The following GOLM2 variants were observed in gnomAD, a reference collection of about 807,000 sequenced individuals.
GOLM2 encodes protein GOLM2.
GOLM2 carries 26 observed loss-of-function variants against 55.9 expected under a neutral mutation model. The ratio of observed to expected loss-of-function variants is 0.47; its 90% CI spans 0.34 to 0.65. The LOEUF is 0.65. Ranked by LOEUF, GOLM2 falls within the 30% of genes least tolerant of loss-of-function variation. The pLI is 0.01. For synonymous variants in GOLM2, 165 were observed against 194.6 expected, an observed-to-expected ratio of 0.85 and a Z score of 1.27; for missense variants, 486 against 531.8, an observed-to-expected ratio of 0.91 and a Z score of 0.85.
intron 6 of GOLM2, among the ~76,000 whole-genome samples, chr15:44,343,316 GAA>G (rs200034292): frequency 9.5e-6 from 1 of 105,270 alleles, no homozygotes; most frequent in Non-Finnish European, 2.0e-5. Context: ...CTGGAAGACA[GAA>G]AAAAAAAAAA....
At chr15:44,328,471 C>T (rs1202064213) in intron 2 of GOLM2, among the ~76,000 whole-genome samples, 1 of 152,074 alleles carries the variant, frequency 6.6e-6, no homozygotes, top group Non-Finnish European at 1.5e-5. Context: ...GAGCAAGACC[C>T]TATCTCAAAT....
At chr15:44,293,648 A>G (rs1267738397) in intron 1 of GOLM2, among the ~76,000 whole-genome samples, 2 of 152,248 alleles carry the variant, frequency 1.3e-5, no homozygotes, top group Non-Finnish European at 2.9e-5. Context: ...CAAAGACCAC[A>G]GAAGTAAAGT....
chr15:44,332,732 C>T (rs987096016), intron 4 of GOLM2, among the ~76,000 whole-genome samples: 1 of 151,830 alleles, frequency 6.6e-6, no homozygotes, highest in African/African-American at 2.4e-5. Context: ...ACACTTTTTC[C>T]TTTATCATCA....
rs1276845671 is a variant in GOLM2 at position 44,414,160 on chromosome 15, A to G, written c.*754A>G. On this transcript the variant is annotated 3_prime_UTR_variant, in exon 10 of 10. Transcript: ENST00000299957. ...CTACACACTAATTCTTGTTAGCCCAACAGCTGTTCTGTTCTATCTACCCCT... is the reference window on the plus strand; with the variant it reads ...CTACACACTAATTCTTGTTAGCCCAGCAGCTGTTCTGTTCTATCTACCCCT... 6.6e-6 allele frequency: 1 copy of G among 152,192 alleles called. No individual in the cohort carries two copies. Among genetic ancestry groups the G allele is most frequent in the Non-Finnish European group, 1.5e-5 (1 of 68,068 alleles). 9.4% of individuals were successfully genotyped at this position (152,192 alleles called of 1,614,324 possible).
chr15:44,334,840 G>C (rs1475016024), intron 4 of GOLM2, among the ~76,000 whole-genome samples: 2 of 152,074 alleles, frequency 1.3e-5, no homozygotes, highest in Non-Finnish European at 2.9e-5. Context: ...GACCAACCTG[G>C]CCAACATGGT....
chr15:44,294,075 C>G (rs925109715), intron 1 of GOLM2, among the ~76,000 whole-genome samples: 1 of 152,296 alleles, frequency 6.6e-6, no homozygotes, highest in Middle Eastern at 3.4e-3. Context: ...CCTTCATTAA[C>G]TCCTGTATCC....
chr15:44,353,693 C>T (rs1268870704), intron 6 of GOLM2, among the ~76,000 whole-genome samples: 1 of 152,104 alleles, frequency 6.6e-6, no homozygotes, highest in Non-Finnish European at 1.5e-5. Context: ...ACAAACTTCA[C>T]GTATCCTCAC....
At chr15:44,382,337 T>G (rs1375598737) in intron 8 of GOLM2, 2 of 152,062 alleles carry the variant, frequency 1.3e-5, no homozygotes, top group African/African-American at 2.4e-5. Flanking sequence ...AGATGGAGTC[T>G]CACTCTGTCA....
In GOLM2 at chr15:44,413,391, C is replaced by G; in HGVS notation, c.1296C>G (p.Phe432Leu). 2 of 1,609,484 alleles carry G rather than the reference C, an allele frequency of 1.2e-6. No homozygotes were observed. Among genetic ancestry groups the G allele is most frequent in the East Asian group, 2.2e-5 (1 of 44,694 alleles). Residue 432 changes from phenylalanine (F) to leucine (L), a missense_variant, in exon 10 of 10, where the codon TTC (phenylalanine) becomes TTG (leucine). By Grantham distance (22) the Phe-to-Leu change is conservative. Coordinates refer to ENST00000299957, the MANE Select transcript of GOLM2 (RefSeq NM_138423.4). ...MDPADYGKQH[F>L]NDVL Reference sequence around the variant, plus strand: ...CTGCAGACTATGGAAAGCAACATTTCAATGATGTCCTTTAAGTCCTAAAGG... The same window carrying G: ...CTGCAGACTATGGAAAGCAACATTTGAATGATGTCCTTTAAGTCCTAAAGG...
intron 6 of GOLM2, among the ~76,000 whole-genome samples, chr15:44,378,026 T>A (rs1382094370): frequency 1.3e-5 from 2 of 149,386 alleles, no homozygotes; most frequent in Non-Finnish European, 3.0e-5. Context: ...TATATATATT[T>A]TTTAAATTAT....
intron 6 of GOLM2, among the ~76,000 whole-genome samples, chr15:44,342,436 T>C (rs1300952051): frequency 2.6e-5 from 4 of 151,950 alleles, no homozygotes; most frequent in African/African-American, 9.7e-5. Context: ...GCTAATTTTA[T>C]TGTTGTTGTT....
chr15:44,296,772 T>C (rs1404782292), intron 1 of GOLM2, among the ~76,000 whole-genome samples: 1 of 152,216 alleles, frequency 6.6e-6, no homozygotes, highest in African/African-American at 2.4e-5. Flanking sequence ...ATTTGCTTGT[T>C]TTCAGTTTCC....
intron 1 of GOLM2, chr15:44,307,564 T>C (rs769329027): frequency 7.9e-5 from 12 of 152,202 alleles, no homozygotes; most frequent in South Asian, 2.1e-4. Context: ...TTTATTGATA[T>C]AGTGCTTTAT....
chr15:44,402,407 G>T (rs933839803), intron 8 of GOLM2, among the ~76,000 whole-genome samples: 3 of 151,138 alleles, frequency 2.0e-5, no homozygotes, highest in African/African-American at 4.9e-5. Context: ...TCCCAGGCTG[G>T]TCTCAAACTC....
At chr15:44,325,048 G>T (rs1332410149) in intron 2 of GOLM2, among the ~76,000 whole-genome samples, 1 of 152,102 alleles carries the variant, frequency 6.6e-6, no homozygotes, top group Non-Finnish European at 1.5e-5. Context: ...AAGTTCAGGG[G>T]TACATGTGCA....
chr15:44,412,493 G>T (rs890188949), intron 9 of GOLM2, among the ~76,000 whole-genome samples: 1 of 152,092 alleles, frequency 6.6e-6, no homozygotes, highest in African/African-American at 2.4e-5. Context: ...CCAAGAGGAA[G>T]CTACTTTTGC....
At chr15:44,297,805 T>G (rs2078767732) in intron 1 of GOLM2, among the ~76,000 whole-genome samples, 1 of 151,380 alleles carries the variant, frequency 6.6e-6, no homozygotes, top group African/African-American at 2.4e-5. Flanking sequence ...CCTGACCTCA[T>G]GATCCACCCG....
intron 6 of GOLM2, among the ~76,000 whole-genome samples, chr15:44,347,846 A>C (rs2079135669): frequency 6.6e-6 from 1 of 152,112 alleles, no homozygotes; most frequent in African/African-American, 2.4e-5. Flanking sequence ...AGAGGACTTC[A>C]TTTTGCAACT....
chr15:44,335,079 A>T (rs1275973390), intron 4 of GOLM2, among the ~76,000 whole-genome samples: 2 of 152,204 alleles, frequency 1.3e-5, no homozygotes, highest in Non-Finnish European at 2.9e-5. Flanking sequence ...AGTATCCTGA[A>T]TTGGATCCTG....
Sources: gnomAD v4.1 joint callset for allele counts (sites outside exome capture counted in the v4.1 genomes callset) on GRCh38, gnomAD v4.1.1 for gene constraint, MANE v1.5 for transcripts, NCBI Gene and HGNC (gene_info 2026-07-23, HGNC 2026-07-21) for gene names.